SUPT3H: variants seen among roughly 807,000 people sequenced by gnomAD.
SUPT3H encodes transcription initiation protein SPT3 homolog.
Under a neutral mutation model 44.3 loss-of-function variants are expected in SUPT3H, and 44 were observed. That is an observed-to-expected ratio of 0.99 (90% CI 0.78 to 1.28). SUPT3H has a LOEUF of 1.28. Ranked by LOEUF, SUPT3H falls within the 50% of genes most tolerant of loss-of-function variation. The probability of loss-of-function intolerance (pLI) is 0.00; values close to 1 mark genes in which losing one functional copy is unlikely to be tolerated. For missense variants in SUPT3H, 380 were observed against 387.1 expected (o/e 0.98, Z 0.15); for synonymous variants, 124 against 125.6 (o/e 0.99, Z 0.09).
intron 3 of SUPT3H, among the ~76,000 whole-genome samples, chr6:45,092,358 A>G (rs186242480): frequency 1.3e-5 from 2 of 152,346 alleles, no homozygotes; most frequent in East Asian, 3.9e-4. Flanking sequence ...AATTTTACTG[A>G]TAAACATCAT....
chr6:44,963,727 C>T (rs551924529), intron 6 of SUPT3H, among the ~76,000 whole-genome samples: 19 of 152,134 alleles, frequency 1.2e-4, no homozygotes, highest in African/African-American at 1.9e-4. Context: ...CAGCTGGGCA[C>T]GGTGGCTCAT....
intron 5 of SUPT3H, among the ~76,000 whole-genome samples, chr6:45,009,570 A>AT (rs150923097): frequency 0.01 from 1,586 of 152,230 alleles, 39 homozygotes; most frequent in African/African-American, 0.036. Context: ...CAAAATGGCT[A>AT]TTTTTTCCCT....
At chr6:45,246,833 C>T (rs933495795) in intron 2 of SUPT3H, among the ~76,000 whole-genome samples, 1 of 152,062 alleles carries the variant, frequency 6.6e-6, no homozygotes, top group South Asian at 2.1e-4. Flanking sequence ...ACACCTAATG[C>T]AGTGCTAAGA....
chr6:45,127,497 G>A (rs1031976894), intron 2 of SUPT3H, among the ~76,000 whole-genome samples: 1 of 152,020 alleles, frequency 6.6e-6, no homozygotes, highest in African/African-American at 2.4e-5. Flanking sequence ...TGCACTAAGA[G>A]ATTAAATAAT....
At chr6:44,895,662 A>G (rs1055261536) in intron 10 of SUPT3H, among the ~76,000 whole-genome samples, 6 of 152,178 alleles carry the variant, frequency 3.9e-5, no homozygotes, top group Non-Finnish European at 8.8e-5. Flanking sequence ...GCTGTGGTTC[A>G]GCCTGATGGA....
rs1296423294 is a variant in SUPT3H, at chr6:45,218,779, GAAC to G, written c.102-112776_102-112774del. ...AAATCATCAAGAATATAGAAAATCT[GAAC>G]AACACACTCAACAAAATCAAATTAA... On this transcript the variant is annotated intron_variant, in intron 2 of 10. Transcript: ENST00000371459. Among the ~76,000 whole-genome samples, 8 of 152,018 alleles carry G rather than the reference GAAC, an allele frequency of 5.3e-5. No individual in the cohort carries two copies. The East Asian group carries it at 1.5e-3, about 29-fold the overall frequency.
At chr6:45,147,294 A>C (rs1806235848) in intron 2 of SUPT3H, among the ~76,000 whole-genome samples, 1 of 152,132 alleles carries the variant, frequency 6.6e-6, no homozygotes, top group East Asian at 1.9e-4. Flanking sequence ...ATATGAAATT[A>C]AACACTGAAT....
Position 44,829,581 on chromosome 6 carries a change from C to T in SUPT3H, c.*235G>A. The T allele has an allele frequency of 2.1e-6, 1 of 481,488 alleles. No homozygotes were observed. The highest frequency in any genetic ancestry group is 3.7e-5 in the East Asian group (1 of 27,162). 29.8% of individuals were successfully genotyped at this position (481,488 alleles called of 1,614,324 possible). On this transcript the variant is annotated 3_prime_UTR_variant, in exon 11 of 11. Coordinates refer to ENST00000371459, the MANE Select transcript of SUPT3H (RefSeq NM_003599.4). ...ACTGTGTGATCTGCATTCTTGTCCACCTACAGACTATCCTAAACATCCTGC... is the reference window on the plus strand; with the variant it reads ...ACTGTGTGATCTGCATTCTTGTCCATCTACAGACTATCCTAAACATCCTGC...
intron 2 of SUPT3H, among the ~76,000 whole-genome samples, chr6:45,236,011 C>T (rs972568533): frequency 4.6e-5 from 7 of 152,148 alleles, no homozygotes; most frequent in Non-Finnish European, 8.8e-5. Context: ...TGGCCCATCC[C>T]TTTTTTCCCG....
At chr6:44,894,311 G>C (rs904330490) in intron 10 of SUPT3H, among the ~76,000 whole-genome samples, 1 of 151,978 alleles carries the variant, frequency 6.6e-6, no homozygotes, top group African/African-American at 2.4e-5. Flanking sequence ...CCTATGTCCT[G>C]AATGGTAATG....
intron 3 of SUPT3H, among the ~76,000 whole-genome samples, chr6:45,092,197 A>G (rs141432583): frequency 6.6e-6 from 1 of 151,768 alleles, no homozygotes; most frequent in Non-Finnish European, 1.5e-5. Flanking sequence ...TTTTCCTCCT[A>G]CTCTACTGCA....
chr6:45,319,674 T>C (rs1055067046), intron 2 of SUPT3H, among the ~76,000 whole-genome samples: 3 of 152,146 alleles, frequency 2.0e-5, no homozygotes, highest in Non-Finnish European at 4.4e-5. Flanking sequence ...GAAAATGAAT[T>C]TACTTTGGAT....
At chr6:45,361,912 G>A (rs1340358052) in intron 2 of SUPT3H, among the ~76,000 whole-genome samples, 6 of 152,128 alleles carry the variant, frequency 3.9e-5, no homozygotes, top group East Asian at 1.9e-4. Context: ...TCAGCCTGGC[G>A]TGGTAGCGCA....
intron 2 of SUPT3H, among the ~76,000 whole-genome samples, chr6:45,288,579 A>G (rs1562882561): frequency 0.18 from 8,897 of 49,010 alleles, 904 homozygotes; most frequent in East Asian, 0.31. Context: ...ATATATATAT[A>G]TATGTATATA....
At chr6:45,129,469 G>A (rs1315650094) in intron 2 of SUPT3H, among the ~76,000 whole-genome samples, 1 of 152,112 alleles carries the variant, frequency 6.6e-6, no homozygotes, top group African/African-American at 2.4e-5. Flanking sequence ...GTTTCCTTGT[G>A]TAGATATTTA....
At chr6:45,208,465 C>G (rs1461753330) in intron 2 of SUPT3H, among the ~76,000 whole-genome samples, 1 of 152,196 alleles carries the variant, frequency 6.6e-6, no homozygotes, top group African/African-American at 2.4e-5. Context: ...GATGCCCATG[C>G]CTGTAATCCC....
intron 7 of SUPT3H, among the ~76,000 whole-genome samples, chr6:44,957,533 G>T (rs1020031564): frequency 6.6e-6 from 1 of 152,104 alleles, no homozygotes; most frequent in Non-Finnish European, 1.5e-5. Context: ...CTCCTTGACA[G>T]ATCTTTAGGA....
chr6:44,956,392 G>A (rs1160388042), intron 7 of SUPT3H, among the ~76,000 whole-genome samples: 1 of 146,220 alleles, frequency 6.8e-6, no homozygotes, highest in Non-Finnish European at 1.5e-5. Flanking sequence ...GCTGAGGCAG[G>A]AGAATTGATT....
At chr6:45,274,957 CT>C in intron 2 of SUPT3H, among the ~76,000 whole-genome samples, 1 of 152,092 alleles carries the variant, frequency 6.6e-6, no homozygotes, top group South Asian at 2.1e-4. Context: ...TGATTTTTTT[CT>C]TTTTTTCTAT....
Sources: allele counts gnomAD v4.1 joint callset (sites outside exome capture counted in the v4.1 genomes callset), GRCh38; gene constraint gnomAD v4.1.1; transcripts MANE v1.5; gene names NCBI Gene and HGNC (gene_info 2026-07-23, HGNC 2026-07-21).